The following IFT25 variants were observed in gnomAD, a reference collection of about 807,000 sequenced individuals.
The protein encoded by IFT25 is intraflagellar transport protein 25 homolog.
chr1:53,928,556 G>T, the IFT25 span: 1 of 673,450 alleles, frequency 1.5e-6, no homozygotes, highest in Non-Finnish European at 2.6e-6. Flanking sequence ...CAGAGCACTG[G>T]GATCAGAAAC....
At chr1:53,933,015 C>CT in the IFT25 span, among the ~76,000 whole-genome samples, 1 of 152,130 alleles carries the variant, frequency 6.6e-6, no homozygotes, top group African/African-American at 2.4e-5. Flanking sequence ...ATTAAAATCT[C>CT]TAACTATAAC....
the IFT25 span, among the ~76,000 whole-genome samples, chr1:53,915,733 C>T: frequency 0.23 from 34,720 of 152,088 alleles, 6,132 homozygotes; most frequent in African/African-American, 0.5. Context: ...GCTATACTGA[C>T]ACCAGTGGCA....
the IFT25 span, among the ~76,000 whole-genome samples, chr1:53,942,443 G>A: frequency 2.0e-5 from 3 of 152,180 alleles, no homozygotes; most frequent in Admixed American, 6.5e-5. Flanking sequence ...ATTGGAAAGT[G>A]GCTATGCTCA....
the IFT25 span, among the ~76,000 whole-genome samples, chr1:53,927,978 C>T: frequency 3.3e-5 from 5 of 152,194 alleles, no homozygotes; most frequent in Non-Finnish European, 5.9e-5. Flanking sequence ...AGGCAAGATG[C>T]TGTGTTTAAT....
chr1:53,923,646 G>A, the IFT25 span: 1 of 363,186 alleles, frequency 2.8e-6, no homozygotes, highest in Non-Finnish European at 4.9e-6. Context: ...ATACTTCAAA[G>A]TAAATGAATG....
At chr1:53,925,535 G>T in the IFT25 span, among the ~76,000 whole-genome samples, 2 of 151,564 alleles carry the variant, frequency 1.3e-5, no homozygotes, top group Non-Finnish European at 2.9e-5. Context: ...CATGGTGGCG[G>T]GCACCTGTAG....
the IFT25 span, among the ~76,000 whole-genome samples, chr1:53,924,259 A>T: frequency 2.4e-4 from 36 of 149,498 alleles, no homozygotes; most frequent in South Asian, 1.9e-3. Context: ...ACATTTATTT[A>T]AAAAAAATCC....
the IFT25 span, among the ~76,000 whole-genome samples, chr1:53,932,808 C>T: frequency 1.5e-4 from 23 of 152,326 alleles, no homozygotes; most frequent in South Asian, 2.1e-4. Context: ...TCGGGCAATC[C>T]GCCTGCCATG....
At chr1:53,911,778 T>A in the IFT25 span, among the ~76,000 whole-genome samples, 1 of 152,172 alleles carries the variant, frequency 6.6e-6, no homozygotes, top group Non-Finnish European at 1.5e-5. Flanking sequence ...GCTGGGTGAC[T>A]TTGATCAAGC....
the IFT25 span, among the ~76,000 whole-genome samples, chr1:53,926,499 T>C: frequency 6.6e-6 from 1 of 152,208 alleles, no homozygotes; most frequent in African/African-American, 2.4e-5. Flanking sequence ...ATAACCATAA[T>C]ACCACCATCA....
chr1:53,913,334 A>C, the IFT25 span, among the ~76,000 whole-genome samples: 3 of 152,152 alleles, frequency 2.0e-5, no homozygotes, highest in Non-Finnish European at 4.4e-5. Flanking sequence ...ACTTCCTTAG[A>C]GGTTTCTCCT....
At chr1:53,939,074 CAAAAAAAAAAAAAAA>C in the IFT25 span, among the ~76,000 whole-genome samples, 1 of 22,558 alleles carries the variant, frequency 4.4e-5, no homozygotes, top group African/African-American at 1.5e-4. Context: ...AACTCCGTCT[CAAAAAAAAAAAAAAA>C]AAAAAAAAAA....
chr1:53,945,672 A>C, the IFT25 span: 1 of 151,604 alleles, frequency 6.6e-6, no homozygotes, highest in African/African-American at 2.4e-5. Context: ...GCCTCCGTGG[A>C]GTCCGGGGTC....
chr1:53,930,695 G>T, the IFT25 span, among the ~76,000 whole-genome samples: 1 of 151,826 alleles, frequency 6.6e-6, no homozygotes, highest in Non-Finnish European at 1.5e-5. Flanking sequence ...TCTCTACATT[G>T]GCACTTAATC....
chr1:53,919,796 C>CT, the IFT25 span, among the ~76,000 whole-genome samples: 1,187 of 145,596 alleles, frequency 8.2e-3, 17 homozygotes, highest in African/African-American at 0.027. Context: ...AACTTTTTTC[C>CT]TTTTTTTTTT....
chr1:53,944,138 T>A, the IFT25 span, among the ~76,000 whole-genome samples: 1 of 152,222 alleles, frequency 6.6e-6, no homozygotes, highest in Non-Finnish European at 1.5e-5. Flanking sequence ...ATTACTTAAG[T>A]AGAAACGGCA....
the IFT25 span, among the ~76,000 whole-genome samples, chr1:53,943,860 G>C: frequency 6.6e-6 from 1 of 152,122 alleles, no homozygotes; most frequent in African/African-American, 2.4e-5. Context: ...GAGCTCAAGC[G>C]ATCCGCCTGC....
At chr1:53,918,197 AAAG>A in the IFT25 span, among the ~76,000 whole-genome samples, 1 of 152,256 alleles carries the variant, frequency 6.6e-6, no homozygotes, top group Non-Finnish European at 1.5e-5. Context: ...AAAATACTGA[AAAG>A]AATGTAAATA....
chr1:53,926,633 T>C, the IFT25 span, among the ~76,000 whole-genome samples: 1 of 152,184 alleles, frequency 6.6e-6, no homozygotes, highest in Non-Finnish European at 1.5e-5. Flanking sequence ...AACCTTCAAC[T>C]GCTTTCTCTC....
Sources: allele counts gnomAD v4.1 joint callset (sites outside exome capture counted in the v4.1 genomes callset), GRCh38; gene constraint gnomAD v4.1.1; transcripts MANE v1.5; gene names NCBI Gene and HGNC (gene_info 2026-07-23, HGNC 2026-07-21).